Variants in POFUT3 observed in about 807,000 individuals in gnomAD.
POFUT3 encodes GDP-fucose protein O-fucosyltransferase 3.
At chr8:33,453,224 A>T in the POFUT3 span, 5 of 1,613,838 alleles carry the variant, frequency 3.1e-6, no homozygotes, top group African/African-American at 2.7e-5. Context: ...ACCATAGAAG[A>T]GGAATGCTTT....
the POFUT3 span, among the ~76,000 whole-genome samples, chr8:33,461,148 G>A: frequency 7.7e-6 from 1 of 129,852 alleles, no homozygotes; most frequent in Non-Finnish European, 1.6e-5. Flanking sequence ...GAGTGGTACT[G>A]TGTCGAAAGG....
chr8:33,316,329 G>T, the POFUT3 span, among the ~76,000 whole-genome samples: 1 of 152,016 alleles, frequency 6.6e-6, no homozygotes, highest in Non-Finnish European at 1.5e-5. Context: ...AGAGAGACAT[G>T]GTTACTAAGG....
At chr8:33,341,390 G>C in the POFUT3 span, among the ~76,000 whole-genome samples, 1 of 145,264 alleles carries the variant, frequency 6.9e-6, no homozygotes, top group African/African-American at 2.6e-5. Context: ...AGCTGAGATT[G>C]CACCACTGCA....
At chr8:33,423,137 G>C in the POFUT3 span, among the ~76,000 whole-genome samples, 2 of 151,902 alleles carry the variant, frequency 1.3e-5, no homozygotes, top group African/African-American at 4.8e-5. Flanking sequence ...ACTTTATGGC[G>C]CTTCTCATTT....
chr8:33,451,583 CAT>C, the POFUT3 span: 3 of 150,274 alleles, frequency 2.0e-5, no homozygotes, highest in South Asian at 2.1e-4. Context: ...TATGTGTGTA[CAT>C]ATGTGTATGT....
chr8:33,386,582 G>A, the POFUT3 span, among the ~76,000 whole-genome samples: 3 of 152,174 alleles, frequency 2.0e-5, no homozygotes, highest in African/African-American at 4.8e-5. Context: ...AGGCTGAGGC[G>A]GGAGGATCAC....
At chr8:33,372,632 TCAACC>T in the POFUT3 span, 1 of 1,614,092 alleles carries the variant, frequency 6.2e-7, no homozygotes, top group Non-Finnish European at 8.5e-7. Flanking sequence ...TTGATTCCTA[TCAACC>T]AGCCACCTTA....
chr8:33,381,705 T>G, the POFUT3 span, among the ~76,000 whole-genome samples: 2 of 152,166 alleles, frequency 1.3e-5, no homozygotes, highest in South Asian at 4.1e-4. Context: ...GTTAATGGAA[T>G]CTCTGTAACA....
chr8:33,342,346 G>C, the POFUT3 span, among the ~76,000 whole-genome samples: 1 of 151,804 alleles, frequency 6.6e-6, no homozygotes, highest in Non-Finnish European at 1.5e-5. Flanking sequence ...GACAGAGCAA[G>C]ACCCTGTCCC....
the POFUT3 span, among the ~76,000 whole-genome samples, chr8:33,455,218 C>A: frequency 6.6e-6 from 1 of 152,202 alleles, no homozygotes; most frequent in Admixed American, 6.5e-5. Context: ...CTTCCACTTA[C>A]TCCCACTTAG....
chr8:33,422,763 C>A, the POFUT3 span, among the ~76,000 whole-genome samples: 20 of 151,982 alleles, frequency 1.3e-4, no homozygotes, highest in South Asian at 2.1e-4. Context: ...ATTGAGAAAT[C>A]CTCTCTTAGA....
At chr8:33,381,232 T>G in the POFUT3 span, among the ~76,000 whole-genome samples, 2 of 152,224 alleles carry the variant, frequency 1.3e-5, no homozygotes, top group African/African-American at 2.4e-5. Flanking sequence ...TCTATTAACC[T>G]TAAGACAGAT....
chr8:33,325,312 G>A, the POFUT3 span, among the ~76,000 whole-genome samples: 1 of 152,002 alleles, frequency 6.6e-6, no homozygotes, highest in African/African-American at 2.4e-5. Context: ...CATCAGAGTG[G>A]CAGTCCACCC....
At chr8:33,396,387 T>C in the POFUT3 span, among the ~76,000 whole-genome samples, 1 of 152,210 alleles carries the variant, frequency 6.6e-6, no homozygotes, top group African/African-American at 2.4e-5. Flanking sequence ...TATCAGAATA[T>C]GATTAATACA....
chr8:33,308,239 A>G, the POFUT3 span, among the ~76,000 whole-genome samples: 1 of 152,212 alleles, frequency 6.6e-6, no homozygotes, highest in Non-Finnish European at 1.5e-5. Context: ...AAGAACCTGC[A>G]AAATAACAAA....
At chr8:33,407,717 C>A in the POFUT3 span, among the ~76,000 whole-genome samples, 1 of 152,072 alleles carries the variant, frequency 6.6e-6, no homozygotes, top group African/African-American at 2.4e-5. Flanking sequence ...GTTAAAGAAA[C>A]ATAAGGCAGG....
At chr8:33,333,175 G>C in the POFUT3 span, among the ~76,000 whole-genome samples, 1 of 152,210 alleles carries the variant, frequency 6.6e-6, no homozygotes, top group African/African-American at 2.4e-5. Context: ...GGTCAGCCCA[G>C]AAGGCTGAAA....
At chr8:33,372,871 A>G in the POFUT3 span, 1 of 1,440,378 alleles carries the variant, frequency 6.9e-7, no homozygotes, top group Non-Finnish European at 9.6e-7. Flanking sequence ...CCTTAAAGCA[A>G]CAGACTTTCC....
At chr8:33,461,615 G>A in the POFUT3 span, 8 of 1,530,922 alleles carry the variant, frequency 5.2e-6, no homozygotes, top group Middle Eastern at 1.7e-4. Context: ...ACTGAGATCC[G>A]AGGTTGTGAG....
Sources: allele counts gnomAD v4.1 joint callset (sites outside exome capture counted in the v4.1 genomes callset), GRCh38; gene constraint gnomAD v4.1.1; transcripts MANE v1.5; gene names NCBI Gene and HGNC (gene_info 2026-07-23, HGNC 2026-07-21).